Variants in DMD observed in about 807,000 individuals in gnomAD.
The protein encoded by DMD is mutant dystrophin.
In DMD, 63 loss-of-function variants were observed where a neutral mutation model predicts 330.1. The observed-to-expected ratio is 0.19, with a 90% CI of 0.16 to 0.24. The LOEUF is 0.24. DMD is among the 10% of genes least tolerant of loss of function. The pLI, the probability that DMD is intolerant of heterozygous loss-of-function variation, is 1.00. For missense variants in DMD, 3,344 were observed against 2,684.1 expected (o/e 1.25, Z -5.43); for synonymous variants, 1,223 against 959.8 (o/e 1.27, Z -5.07).
At chrX:33,159,903 A>G (rs972090830) in intron 1 of DMD, among the ~76,000 whole-genome samples, 2 of 111,542 alleles carry the variant, frequency 1.8e-5, no homozygotes, top group African/African-American at 3.3e-5. Context: ...TCAATTTTTT[A>G]TCTATATCAC....
chrX:32,600,384 A>T (rs5928039), intron 12 of DMD, among the ~76,000 whole-genome samples: 15,068 of 111,133 alleles, frequency 0.14, 815 homozygotes, highest in Middle Eastern at 0.17. Context: ...AAAAACAAGG[A>T]TGGGTATCCT....
chrX:31,714,543 A>G (rs2084879597), intron 52 of DMD, among the ~76,000 whole-genome samples: 1 of 111,671 alleles, frequency 9.0e-6, no homozygotes, highest in Non-Finnish European at 1.9e-5. Flanking sequence ...CTTTATATTC[A>G]ATACTTTTTT....
At chrX:31,749,772 T>C (rs2088313463) in intron 51 of DMD, among the ~76,000 whole-genome samples, 1 of 106,293 alleles carries the variant, frequency 9.4e-6, no homozygotes, top group Non-Finnish European at 1.9e-5. Context: ...AGTGTAAGAG[T>C]GTTCCTATTT....
At chrX:33,088,985 T>C (rs1383386203) in intron 1 of DMD, among the ~76,000 whole-genome samples, 1 of 109,890 alleles carries the variant, frequency 9.1e-6, no homozygotes, top group Non-Finnish European at 1.9e-5. Flanking sequence ...TAGACACATA[T>C]ATCTAAATGT....
intron 13 of DMD, among the ~76,000 whole-genome samples, chrX:32,592,459 G>T (rs2055030227): frequency 9.0e-6 from 1 of 110,812 alleles, no homozygotes; most frequent in African/African-American, 3.3e-5. Flanking sequence ...CACCCACCAT[G>T]GGTCTCCTCT....
At chrX:31,623,703 G>A (rs888193477) in intron 55 of DMD, among the ~76,000 whole-genome samples, 6 of 111,688 alleles carry the variant, frequency 5.4e-5, no homozygotes, top group African/African-American at 2.0e-4. Context: ...GAGAGGAGAC[G>A]TAGGTAAAAC....
At chrX:32,458,783 T>C (rs909384371) in intron 25 of DMD, among the ~76,000 whole-genome samples, 2 of 111,925 alleles carry the variant, frequency 1.8e-5, no homozygotes, top group African/African-American at 3.2e-5. Context: ...TGGTCATTTC[T>C]ACGTATTCTT....
At chrX:32,289,960 C>CT (rs2097459841) in intron 42 of DMD, among the ~76,000 whole-genome samples, 2 of 111,644 alleles carry the variant, frequency 1.8e-5, no homozygotes, top group Admixed American at 9.5e-5. Flanking sequence ...CTTGCTTTTA[C>CT]TTTTTTTAAA....
At chrX:32,316,436 A>G (rs1398393894) in intron 41 of DMD, among the ~76,000 whole-genome samples, 1 of 111,421 alleles carries the variant, frequency 9.0e-6, no homozygotes, top group Non-Finnish European at 1.9e-5. Context: ...CTAAAAGGTT[A>G]ATGTTATACT....
chrX:32,258,496 A>G (rs2097308462), intron 43 of DMD, among the ~76,000 whole-genome samples: 1 of 111,349 alleles, frequency 9.0e-6, no homozygotes, highest in Non-Finnish European at 1.9e-5. Flanking sequence ...AAAAAGAATG[A>G]GTTCATGTCC....
intron 1 of DMD, among the ~76,000 whole-genome samples, chrX:33,133,611 C>A (rs1218591920): frequency 9.0e-6 from 1 of 111,622 alleles, no homozygotes; most frequent in Non-Finnish European, 1.9e-5. Context: ...GGATCCCGGC[C>A]ATAATTGTTC....
chrX:32,947,414 TTGG>T (rs2090896411), intron 2 of DMD, among the ~76,000 whole-genome samples: 2 of 111,937 alleles, frequency 1.8e-5, no homozygotes, highest in African/African-American at 6.5e-5. Flanking sequence ...TTGACATCAT[TTGG>T]GGCCACTTTC....
intron 43 of DMD, among the ~76,000 whole-genome samples, chrX:32,250,983 T>G: frequency 9.5e-6 from 1 of 105,627 alleles, no homozygotes; most frequent in Admixed American, 1.0e-4. Context: ...TAAGTGGGAG[T>G]GGAACAGTGA....
intron 9 of DMD, among the ~76,000 whole-genome samples, chrX:32,650,431 C>T (rs1442366474): frequency 1.8e-5 from 2 of 111,275 alleles, no homozygotes; most frequent in African/African-American, 3.3e-5. Flanking sequence ...AATCTTTTTA[C>T]CCCTCAGTAA....
intron 1 of DMD, among the ~76,000 whole-genome samples, chrX:33,230,667 T>C (rs1481815558): frequency 9.0e-6 from 1 of 110,928 alleles, no homozygotes; most frequent in African/African-American, 3.3e-5. Context: ...CCAATCTCTA[T>C]GCGATTCAGT....
rs188415449 is a variant in DMD, at chrX:33,015,038, G to A, written c.93+5101C>T. 6.9e-3 allele frequency among the ~76,000 whole-genome samples: 768 copies of A among 111,449 alleles called. 5 individuals carry two copies. Among genetic ancestry groups the A allele is most frequent in the Non-Finnish European group, 0.01 (553 of 53,030 alleles). On this transcript the variant is annotated intron_variant, in intron 2 of 78. Transcript: ENST00000357033. ...AATAACGTGCTGGTGGGGCTGCGGA[G>A]AAAATGGAACACTTATACACTGTTG... is the stretch of plus-strand genomic sequence containing the variant.
chrX:32,766,045 A>G (rs1332266815), intron 7 of DMD, among the ~76,000 whole-genome samples: 2 of 111,767 alleles, frequency 1.8e-5, no homozygotes, highest in Admixed American at 1.9e-4. Context: ...ATTATATTCT[A>G]TTGTTCTACA....
chrX:32,225,601 A>G (rs1388650002), intron 43 of DMD, among the ~76,000 whole-genome samples: 2 of 111,401 alleles, frequency 1.8e-5, no homozygotes, highest in Non-Finnish European at 3.8e-5. Flanking sequence ...GGGCCTGGTG[A>G]GAGGTGACTG....
At chrX:33,226,033 T>C (rs970200950) in intron 1 of DMD, among the ~76,000 whole-genome samples, 2 of 111,486 alleles carry the variant, frequency 1.8e-5, no homozygotes, top group African/African-American at 6.5e-5. Context: ...TATAACTCTG[T>C]GCATATTAGA....
Sources: gnomAD v4.1 joint callset for allele counts (sites outside exome capture counted in the v4.1 genomes callset) on GRCh38, gnomAD v4.1.1 for gene constraint, MANE v1.5 for transcripts, NCBI Gene and HGNC (gene_info 2026-07-23, HGNC 2026-07-21) for gene names.